The following RPL30 variants were observed in gnomAD, a reference collection of about 807,000 sequenced individuals.
The protein encoded by RPL30 is ribosomal protein L30.
For missense variants in RPL30, 60 were observed against 138.0 expected (o/e 0.43, Z 2.83); for synonymous variants, 40 against 50.4 (o/e 0.79, Z 0.87).
chr8:98,042,553 A>ACT, intron 4 of RPL30, 92 bp downstream of exon 4: 1 of 1,252,070 alleles, frequency 8.0e-7, no homozygotes, highest in Non-Finnish European at 1.1e-6. Context: ...TGAATTTAGG[A>ACT]ACCAAAGACA....
chr8:98,041,938 T>G (rs1400945460), intron 4 of RPL30, 88 bp from the exon 5 acceptor site: 1 of 974,318 alleles, frequency 1.0e-6, no homozygotes, highest in African/African-American at 1.6e-5. Flanking sequence ...TGGTTATCCC[T>G]TCTGTAGACA....
intron 2 of RPL30, 95 bp from the exon 3 acceptor site, chr8:98,045,183 C>T (rs1297191044): frequency 6.4e-7 from 1 of 1,554,508 alleles, no homozygotes; most frequent in African/African-American, 1.4e-5. Flanking sequence ...CTTAAACTTC[C>T]GAAGTCGAGG....
chr8:98,044,885 G>A, intron 3 of RPL30, 58 bp downstream of exon 3: 1 of 1,555,678 alleles, frequency 6.4e-7, no homozygotes, highest in Admixed American at 1.7e-5. Flanking sequence ...TTACACTCCT[G>A]TATATTCGTT....
Position 98,042,673 on chromosome 8 carries a change from T to C in RPL30, c.270A>G (p.Arg90=). The part of the protein sequence containing the change: ...ELGTACGKYY[R]VCTLAIIDPG... ...GATCAATGATAGCCAGTGTGCACAC[T>C]CTGTAGTATTTTCCGCATGCTGTGC... The change falls in exon 4 of 5, where the codon AGA becomes AGG. Residue 90 remains arginine, a synonymous_variant. Coordinates refer to ENST00000287038, the MANE Select transcript of RPL30 (RefSeq NM_000989.4). 2 of 1,611,316 alleles carry C rather than the reference T, an allele frequency of 1.2e-6. No homozygotes were observed. The highest frequency in any genetic ancestry group is 4.5e-5 in the East Asian group (2 of 44,834).
intron 3 of RPL30, chr8:98,043,709 A>T (rs1461933261): frequency 2.6e-5 from 4 of 151,700 alleles, no homozygotes; most frequent in Non-Finnish European, 5.9e-5. Flanking sequence ...TTTCAGCGTC[A>T]AATTAGTAGA....
Position 98,042,688 on chromosome 8 carries a change from G to A in RPL30, c.255C>T (p.Cys85=), listed in dbSNP as rs143337306. 9.9e-4 allele frequency: 1,599 copies of A among 1,611,320 alleles called. 1 individual carries two copies. Among genetic ancestry groups the A allele is most frequent in the Non-Finnish European group, 1.3e-3 (1,523 of 1,178,962 alleles). ...GTGTGCACACTCTGTAGTATTTTCCGCATGCTGTGCCCAGTTCAATATTAT... is the reference window on the plus strand; with the variant it reads ...GTGTGCACACTCTGTAGTATTTTCCACATGCTGTGCCCAGTTCAATATTAT... ...SGNNIELGTA[C]GKYYRVCTLA... Residue 85 remains cysteine, a synonymous_variant, in exon 4 of 5, where the codon TGC becomes TGT. Transcript: ENST00000287038.
At chr8:98,044,035 G>T (rs1003353976) in intron 3 of RPL30, 10 of 152,292 alleles carry the variant, frequency 6.6e-5, no homozygotes, top group African/African-American at 2.4e-4. Context: ...GCTTGAACCT[G>T]GGAGGCAGAG....
chr8:98,042,795 C>T lies in RPL30; in HGVS notation c.168-20G>A, dbSNP rs1554618396. On this transcript the variant is annotated intron_variant, in intron 3 of 4. Transcript: ENST00000287038. ...GATTTCCTTTGGGAACCAAAATGGG[C>T]AAATAAATAAATGCGATACCAAGTG... The T allele has an allele frequency of 1.9e-6, 3 of 1,547,328 alleles. No homozygotes were observed. Among genetic ancestry groups the T allele is most frequent in the South Asian group, 1.2e-5 (1 of 81,860 alleles).
intron 4 of RPL30, chr8:98,042,285 T>TC (rs1158527238): frequency 3.6e-5 from 18 of 494,502 alleles, no homozygotes; most frequent in Admixed American, 9.9e-5. Flanking sequence ...CTTTTTTTTT[T>TC]CTCAAGCTAA....
chr8:98,044,851 G>A (rs1406054665), intron 3 of RPL30, 92 bp downstream of exon 3: 2 of 1,362,250 alleles, frequency 1.5e-6, no homozygotes, highest in African/African-American at 2.9e-5. Flanking sequence ...AAGTGTTCGA[G>A]TTCATGGTAC....
rs201982680 is a variant in RPL30, at chr8:98,045,381, G to A, written c.-14C>T. On this transcript the variant is annotated 5_prime_UTR_variant, in exon 2 of 5. Coordinates refer to ENST00000287038, the MANE Select transcript of RPL30 (RefSeq NM_000989.4). ...TGCGGCCACCATCTTCCTGCCTTAGGAGCGGGACGGCCCCCAACCTAGAAG... is the reference window on the plus strand; with the variant it reads ...TGCGGCCACCATCTTCCTGCCTTAGAAGCGGGACGGCCCCCAACCTAGAAG... 4.9e-4 allele frequency: 791 copies of A among 1,614,176 alleles called. 7 individuals carry two copies. The South Asian group carries it at 5.9e-3, about 12-fold the overall frequency.
Position 98,042,516 on chromosome 8 carries a change from T to C in RPL30, c.298+129A>G, listed in dbSNP as rs1814395599. The C allele has an allele frequency of 3.5e-6, 3 of 851,772 alleles. No individual in the cohort carries two copies. In the Admixed American group the frequency reaches 7.5e-5, roughly 21 times the overall value. 52.8% of individuals were successfully genotyped at this position (851,772 alleles called of 1,614,324 possible). On this transcript the variant is annotated intron_variant, in intron 4 of 4. Coordinates refer to ENST00000287038, the MANE Select transcript of RPL30 (RefSeq NM_000989.4). ...TTCTCTACAAAATACAACTACACGA[T>C]ATGCCTTGCTAGATCCATATTCTAT...
Position 98,042,625 on chromosome 8 carries a change from TTA to T in RPL30, c.298+18_298+19del, listed in dbSNP as rs1422490100. 11 of 1,497,090 alleles carry T rather than the reference TTA, an allele frequency of 7.3e-6. No individual in the cohort carries two copies. Among genetic ancestry groups the T allele is most frequent in the African/African-American group, 2.9e-5 (2 of 68,996 alleles). The allele number at this position is 1,497,090 out of a possible 1,614,324, so 92.7% of individuals were successfully genotyped here. A position where few individuals can be genotyped will look rare whatever the true frequency, so the allele number is the denominator to read the frequency against. ...TAGAAAGGCAAAAAAAAAAAAGACT[TTA>T]TGATTTAAAAAGCATACCTGGATCA... On this transcript the variant is annotated intron_variant, in intron 4 of 4. Coordinates refer to ENST00000287038, the MANE Select transcript of RPL30 (RefSeq NM_000989.4).
At chr8:98,043,384 C>A (rs1428844585) in intron 3 of RPL30, 1 of 150,402 alleles carries the variant, frequency 6.6e-6, no homozygotes, top group African/African-American at 2.4e-5. Context: ...CCTCAGCCTC[C>A]CAAAGTGCTG....
intron 3 of RPL30, 131 bp from the exon 4 acceptor site, chr8:98,042,906 T>TAA (rs1196791403): frequency 1.7e-5 from 14 of 804,234 alleles, no homozygotes; most frequent in Non-Finnish European, 2.5e-5. Flanking sequence ...ATATTACTCT[T>TAA]AAAAACATCA....
In RPL30 at chr8:98,041,795, A is replaced by C; in HGVS notation, c.*6T>G. 6.3e-7 allele frequency: 1 copy of C among 1,591,862 alleles called. No individual in the cohort carries two copies. Among genetic ancestry groups the C allele is most frequent in the South Asian group, 1.2e-5 (1 of 86,294 alleles). On this transcript the variant is annotated 3_prime_UTR_variant, in exon 5 of 5. Transcript: ENST00000287038. ...TTTGCAGGTGAAATTTTGTAGGTGA[A>C]AAGGTTTACTTTTCACCAGTCTGTT...
intron 4 of RPL30, chr8:98,042,301 C>T (rs911900137): frequency 4.2e-6 from 2 of 471,102 alleles, no homozygotes; most frequent in Admixed American, 5.7e-5. Flanking sequence ...GCTAATTTTA[C>T]ATGTCTGTTC....
intron 4 of RPL30, 61 bp from the exon 5 acceptor site, chr8:98,041,911 T>G: frequency 3.3e-6 from 4 of 1,204,148 alleles, no homozygotes; most frequent in East Asian, 2.3e-5. Context: ...ACTGGTACCA[T>G]AAAATTTCTC....
chr8:98,045,205 T>C (rs1586187553), intron 2 of RPL30, 117 bp from the exon 3 acceptor site: 1 of 1,538,032 alleles, frequency 6.5e-7, no homozygotes, highest in South Asian at 1.2e-5. Flanking sequence ...CCCCAAGTCA[T>C]TGAGAGGGCC....
Sources: allele counts gnomAD v4.1 joint callset, GRCh38; gene constraint gnomAD v4.1.1; transcripts MANE v1.5; gene names NCBI Gene and HGNC (gene_info 2026-07-23, HGNC 2026-07-21).